Variants in CACNB4 observed in about 807,000 individuals in gnomAD.
CACNB4 encodes the protein voltage-dependent L-type calcium channel subunit beta-4.
In CACNB4, 32 loss-of-function variants were observed where a neutral mutation model predicts 71.2. The observed-to-expected ratio is 0.45, with a 90% CI of 0.34 to 0.60. The LOEUF (loss-of-function observed/expected upper bound fraction) is 0.60. Among genes scored for constraint, CACNB4 ranks in the 20% least tolerant of loss-of-function variants. The pLI, the probability that CACNB4 is intolerant of heterozygous loss-of-function variation, is 0.01. For missense variants in CACNB4, 464 were observed against 647.9 expected, an observed-to-expected ratio of 0.72 and a Z score of 3.08; for synonymous variants, 231 against 236.9, an observed-to-expected ratio of 0.97 and a Z score of 0.23.
intron 6 of CACNB4, 117 bp downstream of exon 6, chr2:151,872,300 G>T: frequency 3.1e-6 from 2 of 651,946 alleles, no homozygotes; most frequent in Non-Finnish European, 2.7e-6. Flanking sequence ...ATTAATTAGA[G>T]AATCTTTAAA....
chr2:151,932,730 T>A (rs770056875), intron 2 of CACNB4, among the ~76,000 whole-genome samples: 14 of 150,458 alleles, frequency 9.3e-5, no homozygotes, highest in Admixed American at 2.7e-4. Context: ...CTTAGGAGGC[T>A]GAGGCACAAG....
At position 152,049,159 on chromosome 2, in the gene CACNB4, C is replaced by CT. The variant is rs1325808621; in HGVS notation, c.147+49170dup. 2.6e-3 allele frequency among the ~76,000 whole-genome samples: 378 copies of CT among 145,774 alleles called. 3 individuals are homozygous for CT. The highest frequency in any genetic ancestry group is 8.4e-3 in the African/African-American group (334 of 39,806). On this transcript the variant is annotated intron_variant, in intron 2 of 13. Coordinates refer to ENST00000539935, the MANE Select transcript of CACNB4 (RefSeq NM_000726.5). Reference sequence around the variant, plus strand: ...ATTCTCTCCCCCATTTGCATTCTCTCTTTTTTTTTTTTAAACTTTTTTTTG... The same window carrying CT: ...ATTCTCTCCCCCATTTGCATTCTCTCTTTTTTTTTTTTTAAACTTTTTTTTG...
In CACNB4 at chr2:151,995,216, G is replaced by A. The variant is rs561807347; in HGVS notation, c.147+103114C>T. Among the ~76,000 whole-genome samples, 17 of 128,128 alleles carry A rather than the reference G, an allele frequency of 1.3e-4. No homozygotes were observed. The South Asian group carries it at 3.6e-3, about 27-fold the overall frequency. 84.1% of individuals were successfully genotyped at this position (128,128 alleles called of 152,430 possible). A position where few individuals can be genotyped will look rare whatever the true frequency, so the allele number is the denominator to read the frequency against. On this transcript the variant is annotated intron_variant, in intron 2 of 13. Transcript: ENST00000539935. ...TATCCCTTAGACACACACCAGGAGT[G>A]TTTTGGGTACTTTATATGACAAAAA...
rs534422688 is a variant in CACNB4, at chr2:152,057,422, T to C, written c.147+40908A>G. ...ATGTGTGTTATTCATGCAACAATAA[T>C]TAAGGAATACAAAAACCTAAAAATA... is the stretch of plus-strand genomic sequence containing the variant. On this transcript the variant is annotated intron_variant, in intron 2 of 13. Coordinates refer to ENST00000539935, the MANE Select transcript of CACNB4 (RefSeq NM_000726.5). Among the ~76,000 whole-genome samples, 34 of 152,268 alleles carry C rather than the reference T, an allele frequency of 2.2e-4. No homozygotes were observed. The South Asian group carries it at 6.8e-3, about 31-fold the overall frequency.
At chr2:151,889,589 T>C (rs2099850240) in intron 2 of CACNB4, among the ~76,000 whole-genome samples, 3 of 151,958 alleles carry the variant, frequency 2.0e-5, no homozygotes, top group African/African-American at 7.3e-5. Context: ...GACTTGACAA[T>C]GCATTTTTCC....
intron 2 of CACNB4, among the ~76,000 whole-genome samples, chr2:152,077,014 T>A (rs1335914742): frequency 6.6e-6 from 1 of 152,006 alleles, no homozygotes; most frequent in Admixed American, 6.6e-5. Flanking sequence ...AAAAAGGTAA[T>A]GTTTGGGTTG....
chr2:152,074,817 T>A (rs370068384), intron 2 of CACNB4, among the ~76,000 whole-genome samples: 1 of 151,894 alleles, frequency 6.6e-6, no homozygotes, highest in African/African-American at 2.4e-5. Context: ...GTCACCACTA[T>A]TGCCCCATCT....
intron 2 of CACNB4, among the ~76,000 whole-genome samples, chr2:151,902,840 G>A (rs1578719796): frequency 6.6e-6 from 1 of 151,092 alleles, no homozygotes; most frequent in South Asian, 2.1e-4. Context: ...GTACCCTATT[G>A]TGTGCAATGA....
At position 152,048,168 on chromosome 2, in the gene CACNB4, C is replaced by T. The variant is rs141876048; in HGVS notation, c.147+50162G>A. On this transcript the variant is annotated intron_variant, in intron 2 of 13. Transcript: ENST00000539935. ...TGCATTGGAGAATGTCTGACAGCAT[C>T]CCTGGTCTCTACTCACTAGATGTAC... Among the ~76,000 whole-genome samples the T allele has an allele frequency of 5.5e-4, 84 of 152,166 alleles. 1 individual carries two copies. The East Asian group carries it at 0.015, about 28-fold the overall frequency.
At chr2:152,042,320 G>A (rs7607695) in intron 2 of CACNB4, among the ~76,000 whole-genome samples, 111,275 of 152,098 alleles carry the variant, frequency 0.73, 43,029 homozygotes, top group Middle Eastern at 0.91. Flanking sequence ...CCTTTCATCC[G>A]TCTGCTCCCT....
Position 151,836,769 on chromosome 2 carries a change from G to A in CACNB4, c.*2350C>T, listed in dbSNP as rs1578400075. ...GACTTTTAAAAAGTTGAAAGAAGAT[G>A]GTAATCTTGATGACTAGGAAATATA... On this transcript the variant is annotated 3_prime_UTR_variant, in exon 14 of 14. Coordinates refer to ENST00000539935, the MANE Select transcript of CACNB4 (RefSeq NM_000726.5). 1.3e-5 allele frequency: 2 copies of A among 151,960 alleles called. No individual in the cohort carries two copies. The highest frequency in any genetic ancestry group is 3.9e-4 in the East Asian group (2 of 5,176). The allele number at this position is 151,960 out of a possible 1,614,324, so 9.4% of individuals were successfully genotyped here. A position where few individuals can be genotyped will look rare whatever the true frequency, so the allele number is the denominator to read the frequency against.
rs1302337407 is a variant in CACNB4 at position 151,944,026 on chromosome 2, TC to T, written c.148-60657del. The stretch of plus-strand genomic sequence containing the variant: ...ATCGGATACAGGATTATACTTTCTT[TC>T]TTTTTTTTTTTTTTTTTTAGAGAAA... On this transcript the variant is annotated intron_variant, in intron 2 of 13. Coordinates refer to ENST00000539935, the MANE Select transcript of CACNB4 (RefSeq NM_000726.5). 6.7e-5 allele frequency among the ~76,000 whole-genome samples: 7 copies of T among 104,384 alleles called. No individual in the cohort carries two copies. The East Asian group carries it at 1.1e-3, about 16-fold the overall frequency. 68.5% of individuals were successfully genotyped at this position (104,384 alleles called of 152,430 possible).
chr2:151,921,335 A>G (rs2099858967), intron 2 of CACNB4, among the ~76,000 whole-genome samples: 1 of 152,184 alleles, frequency 6.6e-6, no homozygotes, highest in Admixed American at 6.5e-5. Context: ...TCTTGGTTTA[A>G]AACAACATGA....
At position 151,869,535 on chromosome 2, in the gene CACNB4, C is replaced by T. The variant is rs182884494; in HGVS notation, c.700-300G>A. On this transcript the variant is annotated intron_variant, in intron 8 of 13. Transcript: ENST00000539935. ...GGATAGAACTGCTGCCAGGAGACAA[C>T]AGGCTGGCTTTGTACACAGGTGCCG... 978 of 264,634 alleles carry T rather than the reference C, an allele frequency of 3.7e-3. 7 individuals carry two copies. Among genetic ancestry groups the T allele is most frequent in the African/African-American group, 0.015 (690 of 45,496 alleles). 16.4% of individuals were successfully genotyped at this position (264,634 alleles called of 1,614,324 possible).
Position 151,855,348 on chromosome 2 carries a change from A to G in CACNB4, c.896T>C (p.Ile299Thr). ...TTGCAAAGATCTTGCCAACTCAAAG[A>G]TTCTTTCAATTTCACTTTGTACTTC... ...LAEVQSEIER[I>T]FELARSLQLV... is the part of the protein sequence containing the mutation. Residue 299 changes from isoleucine to threonine, a missense_variant, in exon 11 of 14, where the codon ATC (isoleucine) becomes ACC (threonine). By Grantham distance (89) the Ile-to-Thr change is moderately conservative. Coordinates refer to ENST00000539935, the MANE Select transcript of CACNB4 (RefSeq NM_000726.5). The G allele has an allele frequency of 1.3e-6, 2 of 1,595,732 alleles. No homozygotes were observed. Among genetic ancestry groups the G allele is most frequent in the Non-Finnish European group, 1.7e-6 (2 of 1,165,368 alleles).
At chr2:152,030,868 A>G (rs1292901233) in intron 2 of CACNB4, among the ~76,000 whole-genome samples, 4 of 152,192 alleles carry the variant, frequency 2.6e-5, no homozygotes, top group African/African-American at 9.7e-5. Flanking sequence ...TCCATCAATG[A>G]TAGACTGGAT....
rs1251463398 is a variant in CACNB4, at chr2:152,098,145, G to A, written c.147+185C>T. 7.2e-5 allele frequency among the ~76,000 whole-genome samples: 11 copies of A among 152,218 alleles called. No individual in the cohort carries two copies. Among genetic ancestry groups the A allele is most frequent in the Admixed American group, 7.2e-4 (11 of 15,292 alleles). On this transcript the variant is annotated intron_variant, in intron 2 of 13. Transcript: ENST00000539935. This position sits in a 1 kb window ranked among gnomAD's most constrained non-coding sequence, Gnocchi z 5.3. ...CGGGGCGGTGCGGAGACGCCGGGAC[G>A]CGAAGACGTCAAGAGCCCAGGCTAG...
intron 2 of CACNB4, chr2:151,883,724 AG>A (rs1316000307): frequency 1.3e-5 from 4 of 318,306 alleles, no homozygotes; most frequent in Non-Finnish European, 2.4e-5. Context: ...ATACATCTAA[AG>A]GAAAAAGAGA....
chr2:151,934,283 C>T (rs1173327423), intron 2 of CACNB4, among the ~76,000 whole-genome samples: 1 of 152,170 alleles, frequency 6.6e-6, no homozygotes, highest in Non-Finnish European at 1.5e-5. Context: ...TGAATGTCGC[C>T]GCTTGGTCAG....
Sources: gnomAD v4.1 joint callset for allele counts (sites outside exome capture counted in the v4.1 genomes callset) on GRCh38, gnomAD v4.1.1 for gene constraint, Gnocchi (gnomAD v3.1) non-coding constraint, MANE v1.5 for transcripts, NCBI Gene and HGNC (gene_info 2026-07-23, HGNC 2026-07-21) for gene names.